Variants in TESC observed in about 807,000 individuals in gnomAD.
The protein encoded by TESC is tescalcin, also known as calcineurin B homologous protein 3.
A neutral mutation model predicts 31.0 loss-of-function variants in TESC; 19 were observed. The ratio of observed to expected loss-of-function variants is 0.61; its 90% confidence interval spans 0.43 to 0.90. The LOEUF is 0.90. Ranked by LOEUF, TESC falls within the 40% of genes least tolerant of loss-of-function variation. The pLI is 0.00. For missense variants in TESC, 248 were observed against 303.8 expected, an observed-to-expected ratio of 0.82 and a Z score of 1.36; for synonymous variants, 109 against 114.8, an observed-to-expected ratio of 0.95 and a Z score of 0.32.
chr12:117,066,078 C>T (rs1326624559), intron 2 of TESC, among the ~76,000 whole-genome samples: 2 of 152,064 alleles, frequency 1.3e-5, no homozygotes, highest in East Asian at 3.9e-4. Context: ...CCGGCTCCTT[C>T]TCTCCTGGTC....
chr12:117,040,025 T>G (rs1954459112), intron 7 of TESC, among the ~76,000 whole-genome samples: 1 of 152,242 alleles, frequency 6.6e-6, no homozygotes, highest in African/African-American at 2.4e-5. Flanking sequence ...GACTTCTCAC[T>G]GCTTCCCGCT....
chr12:117,047,899 A>C (rs1007846734), intron 4 of TESC, among the ~76,000 whole-genome samples: 1 of 151,900 alleles, frequency 6.6e-6, no homozygotes, highest in African/African-American at 2.4e-5. Context: ...CAGCACCACT[A>C]TGCCGTGCTC....
At chr12:117,075,897 A>ATGTGTGTGTG (rs1565971545) in intron 1 of TESC, among the ~76,000 whole-genome samples, 1 of 66,396 alleles carries the variant, frequency 1.5e-5, no homozygotes, top group Non-Finnish European at 2.9e-5. Flanking sequence ...ATATATATAT[A>ATGTGTGTGTG]TATATATATA....
At chr12:117,046,515 G>A (rs1209210992) in intron 6 of TESC, 44 bp downstream of exon 6, 36 of 1,511,468 alleles carry the variant, frequency 2.4e-5, no homozygotes, top group Admixed American at 8.1e-5. Flanking sequence ...GACCATAAGC[G>A]GGAAAGGCAC....
chr12:117,086,451 G>C (rs796899617), intron 1 of TESC, among the ~76,000 whole-genome samples: 31 of 151,952 alleles, frequency 2.0e-4, no homozygotes, highest in African/African-American at 7.5e-4. Context: ...TTTTGAGACA[G>C]GGTCTCTCGC....
intron 2 of TESC, among the ~76,000 whole-genome samples, chr12:117,066,902 T>C (rs906739838): frequency 2.0e-5 from 3 of 152,142 alleles, no homozygotes; most frequent in Admixed American, 1.3e-4. Context: ...AAAGAATCTC[T>C]ATAAAAGTTT....
chr12:117,086,141 G>T (rs1955216614), intron 1 of TESC, among the ~76,000 whole-genome samples: 1 of 152,212 alleles, frequency 6.6e-6, no homozygotes, highest in African/African-American at 2.4e-5. Context: ...GGGAGAGGAG[G>T]AAATGGGGAG....
intron 7 of TESC, among the ~76,000 whole-genome samples, chr12:117,041,638 C>G (rs528120963): frequency 6.6e-6 from 1 of 152,166 alleles, no homozygotes; most frequent in Non-Finnish European, 1.5e-5. Context: ...CAGCCTACAA[C>G]GGGGGTTACT....
At position 117,075,921 on chromosome 12, in the gene TESC, G is replaced by A. The variant is rs58998744; in HGVS notation, c.59-581C>T. 6.9e-3 allele frequency among the ~76,000 whole-genome samples: 549 copies of A among 79,752 alleles called. 24 individuals are homozygous for A. The highest frequency in any genetic ancestry group is 0.033 in the African/African-American group (421 of 12,912). 52.3% of individuals were successfully genotyped at this position (79,752 alleles called of 152,430 possible). ...TATATATATATATATATATGTGTGT[G>A]TGTATATATATATATATATGTATAT... is the stretch of plus-strand genomic sequence containing the variant. On this transcript the variant is annotated intron_variant, in intron 1 of 7. Transcript: ENST00000335209.
intron 2 of TESC, among the ~76,000 whole-genome samples, chr12:117,065,318 G>A (rs1954861394): frequency 6.6e-6 from 1 of 152,170 alleles, no homozygotes; most frequent in Admixed American, 6.5e-5. Flanking sequence ...GAAGGGGAGA[G>A]AAGTAGCAAA....
intron 4 of TESC, among the ~76,000 whole-genome samples, chr12:117,048,403 G>A (rs913877841): frequency 2.6e-5 from 4 of 152,186 alleles, no homozygotes; most frequent in Non-Finnish European, 5.9e-5. Flanking sequence ...GCTGACCTGG[G>A]GCGGGACACA....
chr12:117,039,054 G>T lies in TESC; in HGVS notation c.*79C>A. On this transcript the variant is annotated 3_prime_UTR_variant, in exon 8 of 8. Transcript: ENST00000335209. ...CCGGCGCTGCAGGAAGAGGCTGTCC[G>T]CCGGGCCTGGGCTGCTCCAGCTACG... 1.3e-6 allele frequency: 2 copies of T among 1,515,372 alleles called. No individual in the cohort carries two copies. Among genetic ancestry groups the T allele is most frequent in the Non-Finnish European group, 9.0e-7 (1 of 1,108,876 alleles). The allele number at this position is 1,515,372 out of a possible 1,614,324, so 93.9% of individuals were successfully genotyped here.
At chr12:117,090,215 G>A (rs1297984312) in intron 1 of TESC, among the ~76,000 whole-genome samples, 1 of 152,202 alleles carries the variant, frequency 6.6e-6, no homozygotes, top group Non-Finnish European at 1.5e-5. Context: ...AAGAGTGGTT[G>A]CAAGAATTAA....
At chr12:117,065,072 G>C (rs1954856680) in intron 2 of TESC, among the ~76,000 whole-genome samples, 1 of 152,242 alleles carries the variant, frequency 6.6e-6, no homozygotes, top group South Asian at 2.1e-4. Flanking sequence ...AACCGTGCAG[G>C]GGCCAGAAGG....
intron 2 of TESC, among the ~76,000 whole-genome samples, chr12:117,060,751 CA>C (rs1051575008): frequency 5.9e-5 from 9 of 152,168 alleles, no homozygotes; most frequent in Non-Finnish European, 7.4e-5. Flanking sequence ...AGCGTACAGC[CA>C]TGCTCTTACC....
chr12:117,041,887 C>A, intron 7 of TESC, 60 bp downstream of exon 7: 1 of 1,521,132 alleles, frequency 6.6e-7, no homozygotes, highest in Admixed American at 2.0e-5. Flanking sequence ...CCCCTCCTGA[C>A]CAGTGGGCCA....
At chr12:117,071,446 C>T (rs563389908) in intron 2 of TESC, among the ~76,000 whole-genome samples, 49 of 152,162 alleles carry the variant, frequency 3.2e-4, no homozygotes, top group South Asian at 2.3e-3. Flanking sequence ...TGGGCCTTCA[C>T]GGGGCAGGAG....
chr12:117,085,642 A>G lies in TESC; in HGVS notation c.59-10302T>C, dbSNP rs146032110. Among the ~76,000 whole-genome samples the G allele has an allele frequency of 4.6e-5, 7 of 152,230 alleles. No individual in the cohort carries two copies. The East Asian group carries it at 9.7e-4, about 21-fold the overall frequency. ...TCTCCTGCTTGCCACCTCTTGAAAG[A>G]TTGGCCAGGACTCAACCCAAACACT... On this transcript the variant is annotated intron_variant, in intron 1 of 7. Coordinates refer to ENST00000335209, the MANE Select transcript of TESC (RefSeq NM_017899.4).
At chr12:117,043,362 G>A (rs1000631628) in intron 6 of TESC, among the ~76,000 whole-genome samples, 5 of 152,072 alleles carry the variant, frequency 3.3e-5, no homozygotes, top group African/African-American at 1.2e-4. Context: ...TCTGTACAAC[G>A]TGTGTTTAAG....
Sources: allele counts gnomAD v4.1 joint callset (sites outside exome capture counted in the v4.1 genomes callset), GRCh38; gene constraint gnomAD v4.1.1; transcripts MANE v1.5; gene names NCBI Gene and HGNC (gene_info 2026-07-23, HGNC 2026-07-21).